Variants in STARD9 observed in about 807,000 individuals in gnomAD.
The protein encoded by STARD9 is StAR related lipid transfer domain containing 9.
STARD9 carries 346 observed loss-of-function variants against 399.8 expected under a neutral mutation model. That is an observed-to-expected ratio of 0.87 (90% CI 0.79 to 0.95). The LOEUF (loss-of-function observed/expected upper bound fraction) is 0.95, where lower values mean the gene tolerates loss of function less well. STARD9 is among the 40% of genes least tolerant of loss of function. The pLI is 0.00. For missense variants in STARD9, 5,832 were observed against 5,667.5 expected (o/e 1.03, Z -0.93); for synonymous variants, 2,203 against 2,143.5 (o/e 1.03, Z -0.77).
chr15:42,704,300 A>G (rs2140350053), intron 26 of STARD9, among the ~76,000 whole-genome samples: 2 of 152,294 alleles, frequency 1.3e-5, no homozygotes, highest in Non-Finnish European at 2.9e-5. Flanking sequence ...GCTACCTCAA[A>G]ACAACTATTT....
Position 42,719,732 on chromosome 15 carries a change from A to G in STARD9, c.*158A>G. 1 of 599,938 alleles carries G rather than the reference A, an allele frequency of 1.7e-6. No individual in the cohort carries two copies. The highest frequency in any genetic ancestry group is 2.0e-5 in the South Asian group (1 of 49,714). 37.2% of individuals were successfully genotyped at this position (599,938 alleles called of 1,614,324 possible). ...CAGACAGCACTGGCCCAGGGATGCT[A>G]GCAAAGCCCAGTCAGTACTTGGTCA... On this transcript the variant is annotated 3_prime_UTR_variant, in exon 33 of 33. Coordinates refer to ENST00000290607, the MANE Select transcript of STARD9 (RefSeq NM_020759.3).
At chr15:42,631,803 C>A (rs534044948) in intron 3 of STARD9, among the ~76,000 whole-genome samples, 1 of 151,856 alleles carries the variant, frequency 6.6e-6, no homozygotes, top group Admixed American at 6.6e-5. Context: ...TTTCCTTAAC[C>A]CACCTTTCAG....
chr15:42,676,556 C>T (rs1595752024), intron 20 of STARD9, among the ~76,000 whole-genome samples: 1 of 152,312 alleles, frequency 6.6e-6, no homozygotes, highest in South Asian at 2.1e-4. Flanking sequence ...CCCACTTTGC[C>T]TGCATTGTAA....
intron 15 of STARD9, among the ~76,000 whole-genome samples, chr15:42,666,491 T>C (rs1022981004): frequency 7.2e-5 from 11 of 152,240 alleles, no homozygotes; most frequent in Non-Finnish European, 1.2e-4. Context: ...TGAGAGGCCA[T>C]GTGGAAGCAC....
At chr15:42,654,761 G>A (rs979234764) in intron 9 of STARD9, among the ~76,000 whole-genome samples, 13 of 151,924 alleles carry the variant, frequency 8.6e-5, no homozygotes, top group African/African-American at 1.2e-4. Flanking sequence ...ACAAAACACC[G>A]CTGAAAGAAA....
intron 7 of STARD9, among the ~76,000 whole-genome samples, chr15:42,639,281 C>T (rs2059486049): frequency 6.6e-6 from 1 of 152,160 alleles, no homozygotes; most frequent in Non-Finnish European, 1.5e-5. Flanking sequence ...GTGGCTAAAG[C>T]ATGGTGAATG....
intron 3 of STARD9, among the ~76,000 whole-genome samples, chr15:42,606,661 C>A (rs2058729846): frequency 6.6e-6 from 1 of 150,514 alleles, no homozygotes; most frequent in South Asian, 2.1e-4. Flanking sequence ...GGAGTTTTTC[C>A]AAGTTGCCTA....
In STARD9 at chr15:42,719,943, C is replaced by A. The variant is rs2061422360; in HGVS notation, c.*369C>A. ...AGAGCCGGGGACTGCAGTGCTTTGG[C>A]AAGGTGCTTCCGCAGGCTGGTAGGG... On this transcript the variant is annotated 3_prime_UTR_variant, in exon 33 of 33. Transcript: ENST00000290607. 1 of 182,820 alleles carries A rather than the reference C, an allele frequency of 5.5e-6. No individual in the cohort carries two copies. Among genetic ancestry groups the A allele is most frequent in the Non-Finnish European group, 1.1e-5 (1 of 88,132 alleles). The allele number at this position is 182,820 out of a possible 1,614,324, so 11.3% of individuals were successfully genotyped here. A position where few individuals can be genotyped will look rare whatever the true frequency, so the allele number is the denominator to read the frequency against.
At chr15:42,701,797 A>T (rs952119763) in intron 26 of STARD9, among the ~76,000 whole-genome samples, 2 of 152,006 alleles carry the variant, frequency 1.3e-5, no homozygotes, top group Non-Finnish European at 2.9e-5. Flanking sequence ...GTTCGAGACC[A>T]GCCTGGCCAA....
At chr15:42,628,284 A>AT (rs1454238467) in intron 3 of STARD9, among the ~76,000 whole-genome samples, 4 of 152,100 alleles carry the variant, frequency 2.6e-5, no homozygotes, top group African/African-American at 4.8e-5. Flanking sequence ...GAATTTTTAG[A>AT]TTTTTTATTG....
At position 42,691,263 on chromosome 15, in the gene STARD9, G is replaced by T. The variant is rs1157816401; in HGVS notation, c.9685G>T (p.Gly3229Cys). Residue 3229 changes from glycine (G) to cysteine (C), a missense_variant, in exon 23 of 33, where the codon GGT becomes TGT. Physicochemically the swap from Gly to Cys is radical, Grantham distance 159 (BLOSUM62 -3). Transcript: ENST00000290607. ...AGGTGGTGGAGAAGGCTTCGCCCAG[G>T]GTGTGAATCCCCTTCCTGATGAAGA... is the stretch of plus-strand genomic sequence containing the variant. ...ASGGGEGFAQ[G>C]VNPLPDEDGL... 1 of 1,537,242 alleles carries T rather than the reference G, an allele frequency of 6.5e-7. No homozygotes were observed. The highest frequency in any genetic ancestry group is 1.2e-5 in the South Asian group (1 of 84,064).
In STARD9 at chr15:42,684,844, T is replaced by A; in HGVS notation, c.3266T>A (p.Val1089Glu). 6.5e-7 allele frequency: 1 copy of A among 1,537,142 alleles called. No homozygotes were observed. The highest frequency in any genetic ancestry group is 1.4e-5 in the African/African-American group (1 of 73,166). ...GTCCCACTCACAGATTTCAGCCCAGTAATGGATCATTCAAGAGAAAAAGAC... is the reference window on the plus strand; with the variant it reads ...GTCCCACTCACAGATTTCAGCCCAGAAATGGATCATTCAAGAGAAAAAGAC... Reference protein sequence around the residue: ...TMVPLTDFSPVMDHSREKDND... With the variant: ...TMVPLTDFSPEMDHSREKDND... The change falls in exon 23 of 33, where the codon GTA becomes GAA. Residue 1089 changes from valine (V) to glutamate (E), a missense_variant. Physicochemically the swap from Val to Glu is moderately radical, Grantham distance 121. Coordinates refer to ENST00000290607, the MANE Select transcript of STARD9 (RefSeq NM_020759.3).
chr15:42,684,149 G>C lies in STARD9; in HGVS notation c.2571G>C (p.Leu857Phe). ...IFLSWDPSTTLPPRPDPTHQT... is the reference protein window; with the variant it reads ...IFLSWDPSTTFPPRPDPTHQT... The stretch of plus-strand genomic sequence containing the variant: ...TAAGTTGGGATCCCTCTACCACATT[G>C]CCACCTAGGCCTGACCCTACACACC... The change falls in exon 23 of 33, where the codon TTG becomes TTC. Residue 857 changes from leucine (L) to phenylalanine (F), a missense_variant. Leu to Phe is a conservative substitution (Grantham distance 22, BLOSUM62 0). Transcript: ENST00000290607. 6.5e-7 allele frequency: 1 copy of C among 1,535,782 alleles called. No individual in the cohort carries two copies. The highest frequency in any genetic ancestry group is 8.7e-7 in the Non-Finnish European group (1 of 1,145,892).
rs61735127 is a variant in STARD9 at position 42,692,392 on chromosome 15, C to A, written c.10814C>A (p.Pro3605His). 11 of 1,536,852 alleles carry A rather than the reference C, an allele frequency of 7.2e-6. No homozygotes were observed. The highest frequency in any genetic ancestry group is 5.5e-5 in the African/African-American group (4 of 73,022). ...GCAGACTGTCTGAGGAGTAAGCCCCCCTTGGCCAAAGGAAGTGCTGCAGGT... is the reference window on the plus strand; with the variant it reads ...GCAGACTGTCTGAGGAGTAAGCCCCACTTGGCCAAAGGAAGTGCTGCAGGT... ...GEADCLRSKPPLAKGSAAGPV... is the reference protein window; with the variant it reads ...GEADCLRSKPHLAKGSAAGPV... The change falls in exon 23 of 33, where the codon CCC becomes CAC. Residue 3605 changes from proline (P) to histidine (H), a missense_variant. Physicochemically the swap from Pro to His is moderately conservative, Grantham distance 77. Around this residue, in one of 2 missense-constraint regions of STARD9, gnomAD observed 5,828 missense variants for 5,651.1 expected, o/e 1.03. Coordinates refer to ENST00000290607, the MANE Select transcript of STARD9 (RefSeq NM_020759.3).
intron 12 of STARD9, 63 bp from the exon 13 acceptor site, chr15:42,663,757 C>G: frequency 8.1e-7 from 1 of 1,229,828 alleles, no homozygotes; most frequent in South Asian, 1.3e-5. Context: ...AGTAACAAGG[C>G]AAGTGATTAA....
Position 42,685,488 on chromosome 15 carries a change from G to C in STARD9, c.3910G>C (p.Glu1304Gln). 1 of 1,537,396 alleles carries C rather than the reference G, an allele frequency of 6.5e-7. No individual in the cohort carries two copies. The highest frequency in any genetic ancestry group is 2.4e-5 in the East Asian group (1 of 40,908). ...CCATTGTGAGCTCCAGCCCCATTGT[G>C]AGCAGGCTGAATCACAGGTAGAGCC... ...QPHCELQPHC[E>Q]QAESQVEPSY... The change falls in exon 23 of 33, where the codon GAG becomes CAG. Residue 1304 changes from glutamate (E) to glutamine (Q), a missense_variant. Glu to Gln is a conservative substitution (Grantham distance 29, BLOSUM62 2). Transcript: ENST00000290607.
intron 12 of STARD9, 65 bp downstream of exon 12, chr15:42,663,555 G>A (rs2060030556): frequency 2.0e-6 from 2 of 1,014,616 alleles, no homozygotes; most frequent in Non-Finnish European, 2.9e-6. Flanking sequence ...AAAGGGCCAT[G>A]GCCCCAGTGA....
chr15:42,710,937 G>C (rs767919662), intron 26 of STARD9, among the ~76,000 whole-genome samples: 1 of 148,282 alleles, frequency 6.7e-6, no homozygotes, highest in African/African-American at 2.5e-5. Context: ...CTGTCTCCCT[G>C]TCTGTTTGTC....
chr15:42,694,126 A>G lies in STARD9; in HGVS notation c.12548A>G (p.Asn4183Ser). 1 of 1,536,914 alleles carries G rather than the reference A, an allele frequency of 6.5e-7. No individual in the cohort carries two copies. The highest frequency in any genetic ancestry group is 8.7e-7 in the Non-Finnish European group (1 of 1,146,780). Residue 4183 changes from asparagine (N) to serine (S), a missense_variant, in exon 23 of 33, where the codon AAT becomes AGT. By Grantham distance (46) the Asn-to-Ser change is conservative. Transcript: ENST00000290607. ...KQEQSPPQPP[N>S]DHSQDSEWSK... ...GAACAGAGTCCCCCACAACCTCCTA[A>G]TGACCACAGCCAGGATTCTGAGTGG...
Sources: gnomAD v4.1 joint callset for allele counts (sites outside exome capture counted in the v4.1 genomes callset) on GRCh38, gnomAD v4.1.1 for gene constraint, gnomAD v4.1.1 regional missense constraint, MANE v1.5 for transcripts, NCBI Gene and HGNC (gene_info 2026-07-23, HGNC 2026-07-21) for gene names.